Variants in ANKRD17 observed in about 807,000 individuals in gnomAD.
ANKRD17 encodes the protein ankyrin repeat domain-containing protein 17.
In ANKRD17, 19 loss-of-function variants were observed where a neutral mutation model predicts 229.7. The observed-to-expected ratio is 0.08, with a 90% CI of 0.06 to 0.12. The LOEUF is 0.12. ANKRD17 is among the 10% of genes least tolerant of loss of function. The pLI, the probability that ANKRD17 is intolerant of heterozygous loss-of-function variation, is 1.00. For synonymous variants in ANKRD17, 1,112 were observed against 1,146.1 expected (o/e 0.97, Z 0.60); for missense variants, 2,176 against 3,176.8 (o/e 0.68, Z 7.57).
chr4:73,090,378 C>A (rs1273176693), intron 29 of ANKRD17, among the ~76,000 whole-genome samples: 2 of 152,132 alleles, frequency 1.3e-5, no homozygotes, highest in Non-Finnish European at 2.9e-5. Context: ...CCACTGCACT[C>A]CAGCCTGGGT....
intron 1 of ANKRD17, among the ~76,000 whole-genome samples, chr4:73,250,071 G>C (rs148499527): frequency 5.9e-5 from 9 of 152,060 alleles, no homozygotes; most frequent in African/African-American, 2.2e-4. Context: ...TATTTAAAAT[G>C]AGAATTATGA....
intron 1 of ANKRD17, among the ~76,000 whole-genome samples, chr4:73,198,426 G>A (rs1578362194): frequency 6.6e-6 from 1 of 152,162 alleles, no homozygotes; most frequent in East Asian, 1.9e-4. Context: ...TAAAGAATTA[G>A]GTTATATAAG....
At chr4:73,078,459 A>G (rs1721229504) in intron 31 of ANKRD17, among the ~76,000 whole-genome samples, 183 bp downstream of exon 31, 2 of 152,078 alleles carry the variant, frequency 1.3e-5, no homozygotes, top group Admixed American at 1.3e-4. Flanking sequence ...AATCGCTTGA[A>G]CCGGGGAGGT....
chr4:73,179,486 G>GTATATATATATA (rs1391988983), intron 1 of ANKRD17, among the ~76,000 whole-genome samples: 2 of 60,004 alleles, frequency 3.3e-5, no homozygotes, highest in Non-Finnish European at 6.2e-5. Flanking sequence ...GTGTGTGTGT[G>GTATATATATATA]TGTATATATA....
At chr4:73,112,654 A>G (rs1300653193) in intron 24 of ANKRD17, 10 of 670,326 alleles carry the variant, frequency 1.5e-5, no homozygotes, top group African/African-American at 2.0e-5. Context: ...GTAGAACTTA[A>G]TAAAGAAAGC....
intron 7 of ANKRD17, among the ~76,000 whole-genome samples, chr4:73,149,489 T>C (rs1730714331): frequency 1.3e-5 from 2 of 151,932 alleles, no homozygotes; most frequent in South Asian, 2.1e-4. Flanking sequence ...TTTGGAGAAG[T>C]GGGGGAAGGA....
intron 1 of ANKRD17, among the ~76,000 whole-genome samples, chr4:73,237,325 C>T (rs1480934514): frequency 6.6e-6 from 1 of 152,136 alleles, no homozygotes; most frequent in African/African-American, 2.4e-5. Context: ...TATGTGTTAG[C>T]ATAAAAGACA....
rs1471419620 is a variant in ANKRD17 at position 73,125,385 on chromosome 4, C to T, written c.3235-73G>A. 5.7e-6 allele frequency: 6 copies of T among 1,046,976 alleles called. No individual in the cohort carries two copies. The African/African-American group carries it at 9.8e-5, about 17-fold the overall frequency. The allele number at this position is 1,046,976 out of a possible 1,614,324, so 64.9% of individuals were successfully genotyped here. A position where few individuals can be genotyped will look rare whatever the true frequency, so the allele number is the denominator to read the frequency against. On this transcript the variant is annotated intron_variant, in intron 16 of 33. Transcript: ENST00000358602. ...TAATATCAAATACATAATATGCAAACATATCAAATACACACAAATACATAT... is the reference window on the plus strand; with the variant it reads ...TAATATCAAATACATAATATGCAAATATATCAAATACACACAAATACATAT...
chr4:73,242,645 G>A (rs1458364072), intron 1 of ANKRD17, among the ~76,000 whole-genome samples: 5 of 152,190 alleles, frequency 3.3e-5, no homozygotes. Context: ...AAACTCTTGA[G>A]AAAGAAGCTC....
intron 33 of ANKRD17, 126 bp downstream of exon 33, chr4:73,076,814 T>C (rs1721046565): frequency 1.7e-6 from 2 of 1,166,110 alleles, no homozygotes; most frequent in Admixed American, 2.4e-5. Flanking sequence ...ATTGCAGCTA[T>C]ATTAGATTTC....
chr4:73,218,934 A>C (rs1741481040), intron 1 of ANKRD17, among the ~76,000 whole-genome samples: 1 of 151,566 alleles, frequency 6.6e-6, no homozygotes, highest in Non-Finnish European at 1.5e-5. Context: ...GGTGGCATGC[A>C]CCTGTAATCC....
chr4:73,127,168 C>G (rs1392258990), intron 16 of ANKRD17, among the ~76,000 whole-genome samples: 1 of 152,166 alleles, frequency 6.6e-6, no homozygotes, highest in African/African-American at 2.4e-5. Flanking sequence ...GGTGACAAAT[C>G]TGGGACTGAG....
At chr4:73,138,305 A>G (rs762593332) in intron 15 of ANKRD17, among the ~76,000 whole-genome samples, 7 of 152,140 alleles carry the variant, frequency 4.6e-5, no homozygotes, top group Admixed American at 1.3e-4. Context: ...CATTTTTCCA[A>G]TGTGGTTATT....
chr4:73,223,863 T>TAA (rs1451876058), intron 1 of ANKRD17, among the ~76,000 whole-genome samples: 5 of 152,228 alleles, frequency 3.3e-5, no homozygotes, highest in African/African-American at 9.6e-5. Context: ...ATATATATTA[T>TAA]ATTCATTCCT....
chr4:73,252,910 C>G (rs1181784580), intron 1 of ANKRD17, among the ~76,000 whole-genome samples: 1 of 152,112 alleles, frequency 6.6e-6, no homozygotes. Flanking sequence ...GGAAAGAAAA[C>G]TTGGGGTGAC....
rs1197722341 is a variant in ANKRD17 at position 73,153,368 on chromosome 4, T to G, written c.1234+512A>C. The stretch of plus-strand genomic sequence containing the variant: ...TACTTTCTTAAAAAGTAAAACACCT[T>G]ACTTTACAGCCATTTATCTGTCATA... On this transcript the variant is annotated intron_variant, in intron 6 of 33. Coordinates refer to ENST00000358602, the MANE Select transcript of ANKRD17 (RefSeq NM_032217.5). 3.3e-5 allele frequency among the ~76,000 whole-genome samples: 5 copies of G among 152,192 alleles called. No individual in the cohort carries two copies. In the East Asian group the frequency reaches 9.6e-4, roughly 29 times the overall value.
At position 73,076,171 on chromosome 4, in the gene ANKRD17, C is replaced by T. The variant is rs1328690848; in HGVS notation, c.*60G>A. The T allele has an allele frequency of 5.8e-5, 86 of 1,473,620 alleles. No individual in the cohort carries two copies. Among genetic ancestry groups the T allele is most frequent in the Admixed American group, 1.1e-4 (5 of 45,030 alleles). The allele number at this position is 1,473,620 out of a possible 1,614,324, so 91.3% of individuals were successfully genotyped here. A position where few individuals can be genotyped will look rare whatever the true frequency, so the allele number is the denominator to read the frequency against. On this transcript the variant is annotated 3_prime_UTR_variant, in exon 34 of 34. Transcript: ENST00000358602. Reference sequence around the variant, plus strand: ...GATTTGGGAGCATAATTTTTTTTTTCGGCCACTTGTGATTTCCTCCAAATG... The same window carrying T: ...GATTTGGGAGCATAATTTTTTTTTTTGGCCACTTGTGATTTCCTCCAAATG...
At chr4:73,097,342 C>T in intron 26 of ANKRD17, 70 bp from the exon 27 acceptor site, 5 of 1,308,984 alleles carry the variant, frequency 3.8e-6, no homozygotes, top group Non-Finnish European at 1.0e-6. Context: ...TAAAGGTAGT[C>T]TACTACCCAA....
intron 1 of ANKRD17, among the ~76,000 whole-genome samples, chr4:73,217,207 A>G (rs1277388690): frequency 6.6e-6 from 1 of 152,244 alleles, no homozygotes; most frequent in Non-Finnish European, 1.5e-5. Flanking sequence ...CCGTGCCTTT[A>G]CTTTCATATA....
Sources: allele counts gnomAD v4.1 joint callset (sites outside exome capture counted in the v4.1 genomes callset), GRCh38; gene constraint gnomAD v4.1.1; transcripts MANE v1.5; gene names NCBI Gene and HGNC (gene_info 2026-07-23, HGNC 2026-07-21).